Variants in FCRL1 observed in about 807,000 individuals in gnomAD.
FCRL1 encodes Fc receptor-like protein 1.
A neutral mutation model predicts 49.2 loss-of-function variants in FCRL1; 34 were observed. That is an observed-to-expected ratio of 0.69 (90% CI 0.53 to 0.92). FCRL1 has a LOEUF of 0.92. Among genes scored for constraint, FCRL1 ranks in the 40% least tolerant of loss-of-function variants. The pLI is 0.00. For missense variants in FCRL1, 524 were observed against 524.1 expected (o/e 1.00, Z 0.00); for synonymous variants, 218 against 201.6 (o/e 1.08, Z -0.69).
intron 1 of FCRL1, among the ~76,000 whole-genome samples, chr1:157,815,497 A>T (rs1035545584): frequency 1.3e-5 from 2 of 152,082 alleles, no homozygotes; most frequent in African/African-American, 4.8e-5. Flanking sequence ...CCTACATCAA[A>T]AATAGAAGAA....
At position 157,802,068 on chromosome 1, in the gene FCRL1, C is replaced by T. The variant is rs772311289; in HGVS notation, c.733G>A (p.Glu245Lys). 1.8e-5 allele frequency: 29 copies of T among 1,614,206 alleles called. No individual in the cohort carries two copies. Among genetic ancestry groups the T allele is most frequent in the African/African-American group, 5.3e-5 (4 of 75,052 alleles). The change falls in exon 5 of 11, where the codon GAG (glutamate) becomes AAG (lysine). Residue 245 changes from glutamate to lysine, a missense_variant. Coordinates refer to ENST00000368176, the MANE Select transcript of FCRL1 (RefSeq NM_052938.5). ...SPPILYWFYH[E>K]DITLGSRSAP... ...GACCTGCTCCCCAGGGTGATATCCT[C>T]GTGATAAAACCAGTACAGGATCGGA...
At chr1:157,815,427 A>G (rs1424604176) in intron 1 of FCRL1, among the ~76,000 whole-genome samples, 1 of 151,952 alleles carries the variant, frequency 6.6e-6, no homozygotes, top group Admixed American at 6.6e-5. Context: ...ACCACAACAT[A>G]CAAAAATCTG....
intron 1 of FCRL1, among the ~76,000 whole-genome samples, chr1:157,819,698 T>C (rs1037152785): frequency 1.3e-5 from 2 of 152,122 alleles, no homozygotes; most frequent in Non-Finnish European, 2.9e-5. Flanking sequence ...GCCTATTTAT[T>C]ATACAGATTT....
chr1:157,804,323 G>T, intron 2 of FCRL1: 1 of 552,722 alleles, frequency 1.8e-6, no homozygotes. Context: ...CTGCCCCTGT[G>T]CAGTATTATC....
intron 2 of FCRL1, 200 bp downstream of exon 2, chr1:157,806,902 T>C (rs1213909782): frequency 3.6e-6 from 2 of 557,132 alleles, no homozygotes; most frequent in African/African-American, 3.8e-5. Context: ...AGCAGACACG[T>C]GTCAGGTGCA....
At chr1:157,797,049 A>G in intron 10 of FCRL1, 52 bp downstream of exon 10, 1 of 1,578,306 alleles carries the variant, frequency 6.3e-7, no homozygotes, top group Non-Finnish European at 8.7e-7. Context: ...TTTGAGAACC[A>G]GTCCCCAGAG....
intron 3 of FCRL1, 120 bp downstream of exon 3, chr1:157,803,725 C>G: frequency 7.8e-7 from 1 of 1,286,914 alleles, no homozygotes; most frequent in East Asian, 2.3e-5. Flanking sequence ...GAGAGAAACT[C>G]AGGAATATCT....
rs1001453637 is a variant in FCRL1, at chr1:157,795,936, C to T, written c.*163G>A. ...GTTCTCCTAGGTAGTTTCTTCAGGG[C>T]TGCGCCAACTTCACTTCACAGTAGA... On this transcript the variant is annotated 3_prime_UTR_variant, in exon 11 of 11. Transcript: ENST00000368176. 8.1e-6 allele frequency: 5 copies of T among 619,380 alleles called. No individual in the cohort carries two copies. Among genetic ancestry groups the T allele is most frequent in the African/African-American group, 3.6e-5 (2 of 54,814 alleles). The allele number at this position is 619,380 out of a possible 1,614,324, so 38.4% of individuals were successfully genotyped here.
At chr1:157,801,055 C>A (rs533665023) in intron 6 of FCRL1, among the ~76,000 whole-genome samples, 1 of 152,212 alleles carries the variant, frequency 6.6e-6, no homozygotes, top group East Asian at 1.9e-4. Context: ...CCACGCCCAG[C>A]TAATTTTTGT....
At chr1:157,804,346 A>T in intron 2 of FCRL1, 1 of 487,334 alleles carries the variant, frequency 2.1e-6, no homozygotes, top group Admixed American at 3.6e-5. Context: ...TCAGAAAGTA[A>T]CTCTTACCTT....
intron 3 of FCRL1, among the ~76,000 whole-genome samples, chr1:157,803,580 C>T (rs1652889406): frequency 6.6e-6 from 1 of 152,128 alleles, no homozygotes; most frequent in South Asian, 2.1e-4. Context: ...TAGTCAGGGA[C>T]CAAATATTAT....
At chr1:157,816,438 T>C (rs920776786) in intron 1 of FCRL1, among the ~76,000 whole-genome samples, 1 of 151,968 alleles carries the variant, frequency 6.6e-6, no homozygotes, top group Admixed American at 6.5e-5. Flanking sequence ...AGAAGAGATG[T>C]ACCTCAACAT....
chr1:157,800,451 C>T (rs2050568), intron 6 of FCRL1, among the ~76,000 whole-genome samples: 85,614 of 152,114 alleles, frequency 0.56, 26,350 homozygotes, highest in African/African-American at 0.84. Context: ...ATGATATAGA[C>T]GGTGTGAGGT....
At position 157,796,126 on chromosome 1, in the gene FCRL1, T is replaced by G; in HGVS notation, c.1263A>C (p.Thr421=). The G allele has an allele frequency of 1.2e-6, 2 of 1,614,080 alleles. No homozygotes were observed. Among genetic ancestry groups the G allele is most frequent in the Non-Finnish European group, 1.7e-6 (2 of 1,179,942 alleles). Residue 421 remains threonine (T), a synonymous_variant, in exon 11 of 11, where the codon ACA becomes ACC. Coordinates refer to ENST00000368176, the MANE Select transcript of FCRL1 (RefSeq NM_052938.5). ...IYSRLRKANI[T]DVDYEDAM is the part of the protein sequence containing the mutation. ...ACATAGCATCTTCATAGTCCACATC[T>G]GTAATGTTTGCTTTCCTCAGCCTGG...
intron 7 of FCRL1, among the ~76,000 whole-genome samples, chr1:157,798,561 A>G (rs1416937159): frequency 2.0e-5 from 3 of 152,296 alleles, no homozygotes; most frequent in Admixed American, 2.0e-4. Flanking sequence ...CTCCAGATGG[A>G]AAACACTTTG....
At position 157,800,099 on chromosome 1, in the gene FCRL1, A is replaced by G; in HGVS notation, c.1004-14T>C. The G allele has an allele frequency of 6.2e-7, 1 of 1,613,084 alleles. No homozygotes were observed. Among genetic ancestry groups the G allele is most frequent in the Non-Finnish European group, 8.5e-7 (1 of 1,179,280 alleles). On this transcript the variant is annotated splice_polypyrimidine_tract_variant and intron_variant, in intron 6 of 10. Coordinates refer to ENST00000368176, the MANE Select transcript of FCRL1 (RefSeq NM_052938.5). Reference sequence around the variant, plus strand: ...CTGAACGTCTTCCTGAAAGAAAAACAAATGAGCATACACATAAATGGAAGA... The same window carrying G: ...CTGAACGTCTTCCTGAAAGAAAAACGAATGAGCATACACATAAATGGAAGA...
At chr1:157,810,399 C>T (rs1472933058) in intron 1 of FCRL1, among the ~76,000 whole-genome samples, 3 of 151,692 alleles carry the variant, frequency 2.0e-5, no homozygotes, top group Non-Finnish European at 4.4e-5. Context: ...CAAGTTCATG[C>T]AATTCTCCTG....
chr1:157,804,092 G>T lies in FCRL1; in HGVS notation c.72C>A (p.Ser24Arg), dbSNP rs563522739. ...CEPAELFLIA[S>R]PSHPTEGSPV... ...GGCTCCCCTCTGTGGGATGGGAGGG[G>T]CTGGCTATCAAAAACAGCTCTAGAG... Residue 24 changes from serine (S) to arginine (R), a missense_variant, in exon 3 of 11, where the codon AGC becomes AGA. Coordinates refer to ENST00000368176, the MANE Select transcript of FCRL1 (RefSeq NM_052938.5). 1.5e-5 allele frequency: 24 copies of T among 1,614,106 alleles called. No individual in the cohort carries two copies. The African/African-American group carries it at 2.7e-4, about 18-fold the overall frequency.
chr1:157,796,590 T>C (rs1253619986), intron 10 of FCRL1, among the ~76,000 whole-genome samples: 5 of 152,256 alleles, frequency 3.3e-5, no homozygotes, highest in Admixed American at 3.3e-4. Flanking sequence ...CTACTGTTTT[T>C]GCACACATGC....
Sources: gnomAD v4.1 joint callset for allele counts (sites outside exome capture counted in the v4.1 genomes callset) on GRCh38, gnomAD v4.1.1 for gene constraint, MANE v1.5 for transcripts, NCBI Gene and HGNC (gene_info 2026-07-23, HGNC 2026-07-21) for gene names.